VPS36: variants seen among roughly 807,000 people sequenced by gnomAD.
VPS36 encodes vacuolar protein-sorting-associated protein 36.
A neutral mutation model predicts 63.5 loss-of-function variants in VPS36; 31 were observed. The ratio of observed to expected loss-of-function variants is 0.49; its 90% CI spans 0.37 to 0.66. The LOEUF (loss-of-function observed/expected upper bound fraction) is 0.66, where lower values mean the gene tolerates loss of function less well. Among genes scored for constraint, VPS36 ranks in the 30% least tolerant of loss-of-function variants. VPS36 has a pLI of 0.00. For missense variants in VPS36, 338 were observed against 463.7 expected (o/e 0.73, Z 2.49); for synonymous variants, 138 against 157.2 (o/e 0.88, Z 0.91).
intron 1 of VPS36, chr13:52,450,281 C>T: frequency 8.7e-7 from 1 of 1,147,694 alleles, no homozygotes. Context: ...AAAGTTGGGA[C>T]CCGCGCTGGG....
chr13:52,429,410 G>T, intron 6 of VPS36: 1 of 564,468 alleles, frequency 1.8e-6, no homozygotes, highest in Non-Finnish European at 2.2e-6. Context: ...CCATATTCCT[G>T]CTGCTAGCAA....
intron 10 of VPS36, among the ~76,000 whole-genome samples, chr13:52,418,680 C>G (rs1958017740): frequency 6.7e-6 from 1 of 149,554 alleles, no homozygotes; most frequent in Non-Finnish European, 1.5e-5. Flanking sequence ...AACATATAAT[C>G]AATACAAAAA....
intron 9 of VPS36, among the ~76,000 whole-genome samples, chr13:52,424,190 A>G (rs1309574045): frequency 2.0e-5 from 3 of 152,076 alleles, no homozygotes; most frequent in African/African-American, 4.8e-5. Context: ...ACTTAAATGA[A>G]AAAAGGGGCT....
chr13:52,417,615 C>T (rs1366874875), intron 11 of VPS36, among the ~76,000 whole-genome samples: 8 of 152,238 alleles, frequency 5.3e-5, no homozygotes, highest in African/African-American at 1.9e-4. Flanking sequence ...CCGCCTCAGC[C>T]TCCCAAAGTG....
chr13:52,429,400 C>T, intron 6 of VPS36: 1 of 653,898 alleles, frequency 1.5e-6, no homozygotes, highest in Non-Finnish European at 1.9e-6. Context: ...CCTTTGACTT[C>T]CATATTCCTG....
chr13:52,440,889 G>A (rs1409361581), intron 2 of VPS36, among the ~76,000 whole-genome samples: 1 of 152,168 alleles, frequency 6.6e-6, no homozygotes, highest in Non-Finnish European at 1.5e-5. Context: ...TGGGGAGCAG[G>A]GGTTGTGGTT....
chr13:52,450,625 G>A lies in VPS36; in HGVS notation c.-31C>T, dbSNP rs749867376. ...CTGCCACCCAGCCCCGGCCCTCCGAGGCCGCGAGCAGCGCGCCAGGCAGCC... is the reference window on the plus strand; with the variant it reads ...CTGCCACCCAGCCCCGGCCCTCCGAAGCCGCGAGCAGCGCGCCAGGCAGCC... On this transcript the variant is annotated 5_prime_UTR_variant, in exon 1 of 14. Coordinates refer to ENST00000378060, the MANE Select transcript of VPS36 (RefSeq NM_016075.4). The A allele has an allele frequency of 2.7e-5, 42 of 1,543,334 alleles. No individual in the cohort carries two copies. The highest frequency in any genetic ancestry group is 3.5e-5 in the Non-Finnish European group (40 of 1,144,300).
chr13:52,416,246 ATAAC>A (rs1344236073), intron 12 of VPS36, 153 bp from the exon 13 acceptor site: 14 of 740,076 alleles, frequency 1.9e-5, no homozygotes, highest in Non-Finnish European at 3.0e-5. Flanking sequence ...CATTCACACT[ATAAC>A]TAAATTTTAA....
intron 2 of VPS36, among the ~76,000 whole-genome samples, chr13:52,442,058 A>G (rs1297253555): frequency 1.3e-5 from 2 of 152,242 alleles, no homozygotes; most frequent in Non-Finnish European, 2.9e-5. Context: ...AAGGGACGAC[A>G]CGCTAACTCC....
chr13:52,438,942 A>T (rs945949891), intron 3 of VPS36, among the ~76,000 whole-genome samples, 156 bp downstream of exon 3: 1 of 152,186 alleles, frequency 6.6e-6, no homozygotes, highest in African/African-American at 2.4e-5. Context: ...CTTTATTATG[A>T]CCCATGTATA....
In VPS36 at chr13:52,434,408, A is replaced by G. The variant is rs140526140; in HGVS notation, c.441+385T>C. Among the ~76,000 whole-genome samples, 1,123 of 152,060 alleles carry G rather than the reference A, an allele frequency of 7.4e-3. 6 individuals carry two copies. The highest frequency in any genetic ancestry group is 0.017 in the African/African-American group (700 of 41,470). ...GAGTCTTGCTCTGTCGCCCAGGCTG[A>G]AGTGCAATGGTGCAATCTTGGCTCA... is the stretch of plus-strand genomic sequence containing the variant. On this transcript the variant is annotated intron_variant, in intron 5 of 13. Coordinates refer to ENST00000378060, the MANE Select transcript of VPS36 (RefSeq NM_016075.4).
chr13:52,424,016 C>T (rs1239297890), intron 9 of VPS36, among the ~76,000 whole-genome samples: 1 of 152,082 alleles, frequency 6.6e-6, no homozygotes, highest in Non-Finnish European at 1.5e-5. Context: ...CACCACCACA[C>T]CCAGCTAATT....
chr13:52,430,273 GAA>G (rs367998675), intron 6 of VPS36, among the ~76,000 whole-genome samples: 37 of 152,234 alleles, frequency 2.4e-4, no homozygotes, highest in African/African-American at 8.2e-4. Context: ...AAATTGTGAA[GAA>G]AGGCAGTGAA....
chr13:52,434,054 T>A (rs1041928105), intron 5 of VPS36, among the ~76,000 whole-genome samples: 2 of 152,208 alleles, frequency 1.3e-5, no homozygotes, highest in Non-Finnish European at 2.9e-5. Context: ...ATCAGATACT[T>A]AATAGGGTCT....
chr13:52,431,762 C>CAAAAAAAAAAAAAAAAAAAAA (rs60968712), intron 6 of VPS36, among the ~76,000 whole-genome samples: 1 of 68,088 alleles, frequency 1.5e-5, no homozygotes. Context: ...GACTCTGTCT[C>CAAAAAAAAAAAAAAAAAAAAA]AAAAAAAAAA....
At chr13:52,437,102 T>A (rs1958226924) in intron 3 of VPS36, among the ~76,000 whole-genome samples, 1 of 152,134 alleles carries the variant, frequency 6.6e-6, no homozygotes, top group African/African-American at 2.4e-5. Context: ...TATAAAGATT[T>A]GGGAAACTAA....
chr13:52,433,932 T>C (rs1235573111), intron 5 of VPS36, among the ~76,000 whole-genome samples, 184 bp from the exon 6 acceptor site: 10 of 152,172 alleles, frequency 6.6e-5, no homozygotes, highest in African/African-American at 1.9e-4. Context: ...TACATAATGA[T>C]CTTAAAATCA....
intron 1 of VPS36, among the ~76,000 whole-genome samples, chr13:52,447,785 A>AT (rs11439849): frequency 0.47 from 68,544 of 145,372 alleles, 17,145 homozygotes; most frequent in Middle Eastern, 0.65. Flanking sequence ...TTATGAAGTC[A>AT]TTTTTTTTTT....
chr13:52,427,328 G>T (rs1006893385), intron 6 of VPS36, 109 bp from the exon 7 acceptor site: 1 of 1,159,718 alleles, frequency 8.6e-7, no homozygotes, highest in African/African-American at 1.5e-5. Context: ...ATTTTCAGCC[G>T]GGCGCAGTGG....
Sources: allele counts gnomAD v4.1 joint callset (sites outside exome capture counted in the v4.1 genomes callset), GRCh38; gene constraint gnomAD v4.1.1; transcripts MANE v1.5; gene names NCBI Gene and HGNC (gene_info 2026-07-23, HGNC 2026-07-21).